Variants in GAS7 observed in about 807,000 individuals in gnomAD.
The protein encoded by GAS7 is growth arrest specific 7.
In GAS7, 28 loss-of-function variants were observed where a neutral mutation model predicts 71.1. That is an observed-to-expected ratio of 0.39 (90% CI 0.29 to 0.54). The LOEUF is 0.54. GAS7 is among the 20% of genes least tolerant of loss of function. The pLI, the probability that GAS7 is intolerant of heterozygous loss-of-function variation, is 0.62. For synonymous variants in GAS7, 258 were observed against 245.8 expected (o/e 1.05, Z -0.46); for missense variants, 436 against 627.8 (o/e 0.69, Z 3.27).
At chr17:10,062,529 C>A (rs576772897) in intron 1 of GAS7, among the ~76,000 whole-genome samples, 1 of 152,214 alleles carries the variant, frequency 6.6e-6, no homozygotes, top group South Asian at 2.1e-4. Flanking sequence ...TACAACTGAT[C>A]GAGATATCAT....
chr17:10,047,911 T>C (rs1167580805), intron 1 of GAS7, among the ~76,000 whole-genome samples: 2 of 152,182 alleles, frequency 1.3e-5, no homozygotes, highest in Admixed American at 6.5e-5. Flanking sequence ...AAATATTCCA[T>C]TATTAAAGAC....
chr17:9,918,644 C>G (rs1475064910), intron 12 of GAS7, among the ~76,000 whole-genome samples: 1 of 152,226 alleles, frequency 6.6e-6, no homozygotes, highest in Non-Finnish European at 1.5e-5. Flanking sequence ...GCCTCCCTTC[C>G]TCTGCCTATG....
At chr17:10,011,062 G>A (rs2071751012) in intron 2 of GAS7, among the ~76,000 whole-genome samples, 1 of 152,208 alleles carries the variant, frequency 6.6e-6, no homozygotes, top group Non-Finnish European at 1.5e-5. Context: ...TGATTATGAA[G>A]CAAAATCACT....
rs147562317 is a variant in GAS7 at position 10,016,269 on chromosome 17, C to T, written c.304+3508G>A. Among the ~76,000 whole-genome samples, 790 of 151,578 alleles carry T rather than the reference C, an allele frequency of 5.2e-3. 5 individuals carry two copies. Among genetic ancestry groups the T allele is most frequent in the African/African-American group, 0.019 (766 of 41,300 alleles). On this transcript the variant is annotated intron_variant, in intron 2 of 13. Coordinates refer to ENST00000432992, the MANE Select transcript of GAS7 (RefSeq NM_201433.2). The stretch of plus-strand genomic sequence containing the variant: ...GTGTGGTGGCAGGCACCTGTAGTCC[C>T]AGATACTTGGGAGGCTGAGGCAGGA...
intron 9 of GAS7, among the ~76,000 whole-genome samples, 184 bp downstream of exon 9, chr17:9,933,982 C>T (rs1402056667): frequency 2.0e-5 from 3 of 152,208 alleles, no homozygotes; most frequent in Admixed American, 6.5e-5. Context: ...CAAAAATGCA[C>T]CACCTCATGG....
chr17:9,988,343 G>A (rs2070718527), intron 2 of GAS7, among the ~76,000 whole-genome samples: 1 of 152,158 alleles, frequency 6.6e-6, no homozygotes, highest in Non-Finnish European at 1.5e-5. Flanking sequence ...TTGCCCCCAG[G>A]CTATGCTGCC....
At chr17:10,163,936 A>G (rs779039629) in intron 1 of GAS7, among the ~76,000 whole-genome samples, 2 of 152,226 alleles carry the variant, frequency 1.3e-5, no homozygotes, top group African/African-American at 4.8e-5. Context: ...TTATTAGCAC[A>G]CTGTCTGGTG....
chr17:10,039,227 T>TAA (rs34319435), intron 1 of GAS7, among the ~76,000 whole-genome samples: 51,261 of 144,320 alleles, frequency 0.36, 9,386 homozygotes, highest in African/African-American at 0.46. Flanking sequence ...TTGCCATGAT[T>TAA]AAAAAAAAAA....
At chr17:10,027,379 T>G (rs908662060) in intron 1 of GAS7, among the ~76,000 whole-genome samples, 38 of 152,288 alleles carry the variant, frequency 2.5e-4, no homozygotes, top group Admixed American at 1.1e-3. Context: ...GTGTGCCCCA[T>G]CTGTGAACAA....
In GAS7 at chr17:10,160,811, C is replaced by T. The variant is rs2074248445; in HGVS notation, c.183+37397G>A. On this transcript the variant is annotated intron_variant, in intron 1 of 13. Coordinates refer to ENST00000432992, the MANE Select transcript of GAS7 (RefSeq NM_201433.2). ...AAACACTAAAACCTCAAACTCCTGGCCTCAAGCAATCCTCCTACCTCAGCC... is the reference window on the plus strand; with the variant it reads ...AAACACTAAAACCTCAAACTCCTGGTCTCAAGCAATCCTCCTACCTCAGCC... Among the ~76,000 whole-genome samples, 2 of 152,160 alleles carry T rather than the reference C, an allele frequency of 1.3e-5. 1 individual carries two copies. The highest frequency in any genetic ancestry group is 4.2e-4 in the South Asian group (2 of 4,818).
intron 1 of GAS7, among the ~76,000 whole-genome samples, chr17:10,066,076 T>C (rs992160807): frequency 3.3e-5 from 5 of 152,136 alleles, no homozygotes; most frequent in Admixed American, 1.3e-4. Context: ...CCCCTCTCCA[T>C]AACCCCATTT....
intron 8 of GAS7, among the ~76,000 whole-genome samples, 193 bp downstream of exon 8, chr17:9,939,933 C>A (rs1347064215): frequency 6.6e-6 from 1 of 152,088 alleles, no homozygotes; most frequent in Non-Finnish European, 1.5e-5. Flanking sequence ...GTGTGGATGC[C>A]CACACCTTGA....
At chr17:10,017,535 G>T (rs983312638) in intron 2 of GAS7, among the ~76,000 whole-genome samples, 18 of 152,070 alleles carry the variant, frequency 1.2e-4, no homozygotes, top group African/African-American at 1.7e-4. Context: ...CACCATGTTG[G>T]TCAGGCTTGT....
At chr17:10,183,319 T>A (rs1048263110) in intron 1 of GAS7, among the ~76,000 whole-genome samples, 2 of 152,104 alleles carry the variant, frequency 1.3e-5, no homozygotes, top group African/African-American at 4.8e-5. Context: ...AGTCTTGCAG[T>A]ACGACCTCAG....
intron 1 of GAS7, among the ~76,000 whole-genome samples, chr17:10,162,683 A>C (rs2074265547): frequency 6.6e-6 from 1 of 152,246 alleles, no homozygotes; most frequent in African/African-American, 2.4e-5. Flanking sequence ...CTTGTCATAA[A>C]AGAAGAGCAG....
At position 9,913,108 on chromosome 17, in the gene GAS7, G is replaced by C. The variant is rs1051238164; in HGVS notation, c.*4120C>G. The stretch of plus-strand genomic sequence containing the variant: ...AGGTTGATCTTGGTGATGGTCACAA[G>C]ACACTAAATTTGTCAAAATTCACAG... On this transcript the variant is annotated 3_prime_UTR_variant, in exon 14 of 14. Coordinates refer to ENST00000432992, the MANE Select transcript of GAS7 (RefSeq NM_201433.2). The C allele has an allele frequency of 4.3e-6, 1 of 232,494 alleles. No homozygotes were observed. The highest frequency in any genetic ancestry group is 2.2e-5 in the African/African-American group (1 of 45,392). 14.4% of individuals were successfully genotyped at this position (232,494 alleles called of 1,614,324 possible). A position where few individuals can be genotyped will look rare whatever the true frequency, so the allele number is the denominator to read the frequency against.
chr17:10,052,380 G>A (rs1347313988), intron 1 of GAS7, among the ~76,000 whole-genome samples: 1 of 152,150 alleles, frequency 6.6e-6, no homozygotes, highest in East Asian at 1.9e-4. Flanking sequence ...ATTGCCAGTG[G>A]GAAGCCTCAT....
At chr17:10,152,512 A>G (rs1184618352) in intron 1 of GAS7, among the ~76,000 whole-genome samples, 1 of 152,142 alleles carries the variant, frequency 6.6e-6, no homozygotes, top group Admixed American at 6.5e-5. Context: ...CACATGACAA[A>G]AGGAGACCCA....
Position 10,051,171 on chromosome 17 carries a change from T to C in GAS7, c.184-31274A>G, listed in dbSNP as rs138350690. Among the ~76,000 whole-genome samples, 298 of 152,310 alleles carry C rather than the reference T, an allele frequency of 2.0e-3. 1 individual carries two copies. The highest frequency in any genetic ancestry group is 7.0e-3 in the African/African-American group (289 of 41,576). On this transcript the variant is annotated intron_variant, in intron 1 of 13. Transcript: ENST00000432992. ...AATGCAGATGCCACCACCTACTTCA[T>C]AGAATTTTTGCAGGGATTAAATAAG...
Sources: allele counts gnomAD v4.1 joint callset (sites outside exome capture counted in the v4.1 genomes callset), GRCh38; gene constraint gnomAD v4.1.1; transcripts MANE v1.5; gene names NCBI Gene and HGNC (gene_info 2026-07-23, HGNC 2026-07-21).